The following GGACT variants were observed in gnomAD, a reference collection of about 807,000 sequenced individuals.
GGACT encodes gamma-glutamylamine cyclotransferase, also known as gamma-glutamylaminecyclotransferase.
For missense variants in GGACT, 241 were observed against 233.2 expected, an observed-to-expected ratio of 1.03 and a Z score of -0.22; for synonymous variants, 118 against 115.3, an observed-to-expected ratio of 1.02 and a Z score of -0.15.
chr13:100,561,608 G>C (rs28441978), intron 2 of GGACT, among the ~76,000 whole-genome samples: 2 of 152,210 alleles, frequency 1.3e-5, no homozygotes, highest in Non-Finnish European at 2.9e-5. Flanking sequence ...CCCAGCAAGT[G>C]GTACTGGTTC....
chr13:100,550,601 A>G (rs186176209), intron 2 of GGACT, among the ~76,000 whole-genome samples: 1 of 152,276 alleles, frequency 6.6e-6, no homozygotes, highest in Non-Finnish European at 1.5e-5. Context: ...ACATTATTTA[A>G]AAGCACATTT....
At chr13:100,582,590 T>C (rs1357486768) in intron 2 of GGACT, among the ~76,000 whole-genome samples, 1 of 152,178 alleles carries the variant, frequency 6.6e-6, no homozygotes, top group Non-Finnish European at 1.5e-5. Context: ...CAGACAGATG[T>C]GACGACAAAA....
intron 2 of GGACT, among the ~76,000 whole-genome samples, chr13:100,556,642 G>A (rs960460201): frequency 2.0e-5 from 3 of 151,934 alleles, no homozygotes; most frequent in Admixed American, 2.0e-4. Flanking sequence ...TATATAAAAG[G>A]TAACTTAAAG....
At chr13:100,550,526 C>T (rs1225735235) in intron 2 of GGACT, among the ~76,000 whole-genome samples, 1 of 152,194 alleles carries the variant, frequency 6.6e-6, no homozygotes, top group Non-Finnish European at 1.5e-5. Context: ...CAGCCAAACA[C>T]GCCAGTGTTT....
chr13:100,561,049 C>G lies in GGACT; in HGVS notation c.-11+22776G>C, dbSNP rs578135203. 2.6e-5 allele frequency among the ~76,000 whole-genome samples: 4 copies of G among 152,330 alleles called. No individual in the cohort carries two copies. In the South Asian group the frequency reaches 6.2e-4, roughly 24 times the overall value. ...CACAGCCCAGGAACACGTGCCTCTT[C>G]CCCCGGCTCCTGACTACATTCATGG... On this transcript the variant is annotated intron_variant, in intron 2 of 2. Coordinates refer to ENST00000683975, the MANE Select transcript of GGACT (RefSeq NM_001195087.2).
At chr13:100,579,144 C>T (rs569699504) in intron 2 of GGACT, among the ~76,000 whole-genome samples, 3 of 152,290 alleles carry the variant, frequency 2.0e-5, no homozygotes, top group East Asian at 1.9e-4. Flanking sequence ...TGGCGGACTC[C>T]GAATGAGGAA....
intron 2 of GGACT, among the ~76,000 whole-genome samples, chr13:100,559,551 G>A (rs2088739952): frequency 6.6e-6 from 1 of 150,432 alleles, no homozygotes. Context: ...CTGGGGTGCA[G>A]TGGCAACATC....
At chr13:100,578,617 C>T (rs764251509) in intron 2 of GGACT, among the ~76,000 whole-genome samples, 12 of 152,352 alleles carry the variant, frequency 7.9e-5, no homozygotes, top group Non-Finnish European at 1.2e-4. Context: ...ATGACTTAGA[C>T]TTCGTCAATG....
At chr13:100,550,840 T>C (rs2088656498) in intron 2 of GGACT, among the ~76,000 whole-genome samples, 1 of 151,400 alleles carries the variant, frequency 6.6e-6, no homozygotes, top group Non-Finnish European at 1.5e-5. Flanking sequence ...TCTCCCCAAA[T>C]TTACAGTGTT....
chr13:100,549,378 T>A (rs1422757090), intron 2 of GGACT, among the ~76,000 whole-genome samples: 1 of 152,200 alleles, frequency 6.6e-6, no homozygotes, highest in Non-Finnish European at 1.5e-5. Context: ...TGGCCCTACC[T>A]GCTCGTCTGT....
intron 2 of GGACT, chr13:100,536,877 T>C (rs9788354): frequency 0.54 from 81,740 of 152,662 alleles, 22,157 homozygotes; most frequent in South Asian, 0.73. Flanking sequence ...CTCTGCCAGG[T>C]GTGAGGGGAA....
At chr13:100,588,344 A>T (rs1875644127) in intron 1 of GGACT, among the ~76,000 whole-genome samples, 1 of 152,244 alleles carries the variant, frequency 6.6e-6, no homozygotes, top group African/African-American at 2.4e-5. Flanking sequence ...CTTTAAAATG[A>T]AAAACAATTT....
At chr13:100,585,930 G>A (rs553188753) in intron 1 of GGACT, among the ~76,000 whole-genome samples, 2 of 150,796 alleles carry the variant, frequency 1.3e-5, no homozygotes, top group Non-Finnish European at 2.9e-5. Flanking sequence ...CTTGAATCCA[G>A]GAGTTCGAGG....
At chr13:100,543,115 G>C (rs1292555773) in intron 2 of GGACT, among the ~76,000 whole-genome samples, 2 of 148,676 alleles carry the variant, frequency 1.3e-5, no homozygotes, top group Non-Finnish European at 3.0e-5. Flanking sequence ...TGCATACGCA[G>C]ACCAGGTGAA....
At chr13:100,584,930 T>C (rs1429169173) in intron 1 of GGACT, among the ~76,000 whole-genome samples, 1 of 152,246 alleles carries the variant, frequency 6.6e-6, no homozygotes, top group Non-Finnish European at 1.5e-5. Flanking sequence ...TTTGGTAATG[T>C]TGAGCTTCTT....
At chr13:100,552,270 G>A (rs1374488808) in intron 2 of GGACT, among the ~76,000 whole-genome samples, 1 of 152,274 alleles carries the variant, frequency 6.6e-6, no homozygotes, top group South Asian at 2.1e-4. Flanking sequence ...GCCCCGTGAC[G>A]AGGCAGGTGT....
intron 2 of GGACT, among the ~76,000 whole-genome samples, chr13:100,550,349 CACACA>C (rs2088650284): frequency 4.6e-5 from 2 of 43,478 alleles, no homozygotes; most frequent in Non-Finnish European, 1.0e-4. Context: ...CACACACACA[CACACA>C]CCACTGGCCC....
chr13:100,586,312 AGACTTGT>A (rs1340227328), intron 1 of GGACT, among the ~76,000 whole-genome samples: 1 of 152,236 alleles, frequency 6.6e-6, no homozygotes, highest in Non-Finnish European at 1.5e-5. Flanking sequence ...TGGCCAAACA[AGACTTGT>A]GAAGTCCATT....
chr13:100,568,021 T>C (rs1207356972), intron 2 of GGACT, among the ~76,000 whole-genome samples: 1 of 152,160 alleles, frequency 6.6e-6, no homozygotes, highest in Non-Finnish European at 1.5e-5. Context: ...GGGCCCTACT[T>C]CCAATTGAAT....
Sources: gnomAD v4.1 joint callset for allele counts (sites outside exome capture counted in the v4.1 genomes callset) on GRCh38, gnomAD v4.1.1 for gene constraint, MANE v1.5 for transcripts, NCBI Gene and HGNC (gene_info 2026-07-23, HGNC 2026-07-21) for gene names.